Variants in DOCK2 observed in about 807,000 individuals in gnomAD.
The protein encoded by DOCK2 is dedicator of cytokinesis protein 2.
Under a neutral mutation model 248.9 loss-of-function variants are expected in DOCK2, and 87 were observed. That is an observed-to-expected ratio of 0.35 (90% confidence interval 0.29 to 0.42). DOCK2 has a LOEUF of 0.42. DOCK2 is among the 10% of genes least tolerant of loss of function. DOCK2 has a pLI of 1.00. For synonymous variants in DOCK2, 805 were observed against 821.6 expected, an observed-to-expected ratio of 0.98 and a Z score of 0.35; for missense variants, 1,747 against 2,300.2, an observed-to-expected ratio of 0.76 and a Z score of 4.92.
chr5:169,700,351 C>A (rs1336312808), intron 13 of DOCK2, among the ~76,000 whole-genome samples: 1 of 152,000 alleles, frequency 6.6e-6, no homozygotes, highest in Non-Finnish European at 1.5e-5. Context: ...TAAACACATA[C>A]CCCTTCTCCC....
chr5:169,937,018 G>C (rs1776029411), intron 27 of DOCK2, among the ~76,000 whole-genome samples: 2 of 152,196 alleles, frequency 1.3e-5, no homozygotes, highest in Non-Finnish European at 1.5e-5. Flanking sequence ...CTGTGGAGGA[G>C]AGGCTGGGTA....
At chr5:170,011,079 T>C (rs1372007749) in intron 32 of DOCK2, among the ~76,000 whole-genome samples, 1 of 152,204 alleles carries the variant, frequency 6.6e-6, no homozygotes, top group African/African-American at 2.4e-5. Context: ...TTTTCAAATA[T>C]TTATTTTTAG....
At chr5:170,030,455 T>C (rs1756093237) in intron 34 of DOCK2, among the ~76,000 whole-genome samples, 2 of 152,216 alleles carry the variant, frequency 1.3e-5, no homozygotes, top group South Asian at 4.1e-4. Flanking sequence ...TTAGAGTTTT[T>C]GTTGGGAGTC....
chr5:169,750,995 C>G (rs264883), intron 23 of DOCK2, among the ~76,000 whole-genome samples: 18,147 of 152,190 alleles, frequency 0.12, 1,444 homozygotes, highest in African/African-American at 0.22. Context: ...TTAGGCACAT[C>G]GTTTCAGCTT....
chr5:169,967,464 G>A (rs1321856116), intron 27 of DOCK2, among the ~76,000 whole-genome samples: 1 of 152,206 alleles, frequency 6.6e-6, no homozygotes, highest in African/African-American at 2.4e-5. Context: ...ATTAGTATAA[G>A]TTCTGTGTGG....
intron 40 of DOCK2, among the ~76,000 whole-genome samples, chr5:170,049,889 G>A (rs1561898215): frequency 6.6e-6 from 1 of 152,184 alleles, no homozygotes; most frequent in Non-Finnish European, 1.5e-5. Context: ...CAGCCCACAG[G>A]TCCAGCCCAC....
At chr5:169,641,931 T>C (rs968556530) in intron 1 of DOCK2, among the ~76,000 whole-genome samples, 3 of 152,166 alleles carry the variant, frequency 2.0e-5, no homozygotes, top group Non-Finnish European at 4.4e-5. Flanking sequence ...ACAACCCAAG[T>C]CAGAGTTCAT....
At chr5:169,883,267 C>A in intron 27 of DOCK2, 1 of 1,551,606 alleles carries the variant, frequency 6.4e-7, no homozygotes, top group Non-Finnish European at 8.7e-7. Flanking sequence ...CCAGGAAGGA[C>A]TGTGATAAAT....
At chr5:169,950,248 A>C (rs1301079474) in intron 27 of DOCK2, among the ~76,000 whole-genome samples, 3 of 152,232 alleles carry the variant, frequency 2.0e-5, no homozygotes, top group African/African-American at 7.2e-5. Context: ...CCCTAGAGAA[A>C]GTTATTAACC....
chr5:169,984,897 G>A (rs1204234264), intron 28 of DOCK2, among the ~76,000 whole-genome samples: 1 of 152,078 alleles, frequency 6.6e-6, no homozygotes, highest in Non-Finnish European at 1.5e-5. Context: ...AGTGGTTCTG[G>A]TCTTAGCTAT....
At chr5:169,680,045 AG>A (rs1408741827) in intron 6 of DOCK2, among the ~76,000 whole-genome samples, 19 of 152,264 alleles carry the variant, frequency 1.2e-4, no homozygotes, top group African/African-American at 4.3e-4. Flanking sequence ...TTCAAGTTCA[AG>A]GTTTCTGCAA....
intron 25 of DOCK2, among the ~76,000 whole-genome samples, chr5:169,770,501 T>C (rs1368726110): frequency 6.6e-6 from 1 of 152,064 alleles, no homozygotes; most frequent in Admixed American, 6.6e-5. Flanking sequence ...GGTCTCCCTA[T>C]ATTCCCCAGG....
intron 1 of DOCK2, among the ~76,000 whole-genome samples, chr5:169,649,254 T>A (rs1757663545): frequency 6.6e-6 from 1 of 152,178 alleles, no homozygotes. Context: ...GAAGCTTGTG[T>A]TTTCAAACAT....
At chr5:169,972,575 A>AGAT (rs1424635750) in intron 27 of DOCK2, among the ~76,000 whole-genome samples, 58 of 57,588 alleles carry the variant, frequency 1.0e-3, no homozygotes, top group African/African-American at 1.9e-3. Context: ...ATAGATAGAT[A>AGAT]GATAGATAGA....
intron 25 of DOCK2, among the ~76,000 whole-genome samples, chr5:169,785,011 C>A (rs1765908880): frequency 6.6e-6 from 1 of 152,060 alleles, no homozygotes; most frequent in Non-Finnish European, 1.5e-5. Context: ...TGGCTAAATC[C>A]CAGTTTCCTT....
chr5:169,778,641 C>T (rs574435034), intron 25 of DOCK2, among the ~76,000 whole-genome samples: 3 of 152,096 alleles, frequency 2.0e-5, no homozygotes, highest in African/African-American at 4.8e-5. Context: ...TTGAGCTACA[C>T]GAAGGATTGT....
intron 30 of DOCK2, among the ~76,000 whole-genome samples, chr5:170,004,080 C>T (rs545212912): frequency 1.6e-4 from 25 of 152,312 alleles, no homozygotes; most frequent in South Asian, 6.2e-4. Context: ...AGAATTGAAA[C>T]GTATGTCCAC....
At position 170,082,966 on chromosome 5, in the gene DOCK2, C is replaced by A. The variant is rs866651706; in HGVS notation, c.*108C>A. On this transcript the variant is annotated 3_prime_UTR_variant, in exon 52 of 52. Coordinates refer to ENST00000520908, the MANE Select transcript of DOCK2 (RefSeq NM_004946.3). ...TCAGAGAGTGGGAGACTGTCCCCAT[C>A]AGTTGTCCTTACTTAGAGGAGACAG... 8.8e-5 allele frequency: 126 copies of A among 1,437,014 alleles called. No individual in the cohort carries two copies. Among genetic ancestry groups the A allele is most frequent in the Non-Finnish European group, 1.1e-4 (110 of 1,035,128 alleles). The allele number at this position is 1,437,014 out of a possible 1,614,324, so 89.0% of individuals were successfully genotyped here.
intron 22 of DOCK2, 88 bp from the exon 23 acceptor site, chr5:169,747,308 A>G (rs1410236592): frequency 8.0e-7 from 1 of 1,242,498 alleles, no homozygotes; most frequent in Non-Finnish European, 1.1e-6. Context: ...TTTTTGTTTT[A>G]AATTTTAAAT....
Sources: allele counts gnomAD v4.1 joint callset (sites outside exome capture counted in the v4.1 genomes callset), GRCh38; gene constraint gnomAD v4.1.1; transcripts MANE v1.5; gene names NCBI Gene and HGNC (gene_info 2026-07-23, HGNC 2026-07-21).